Variants in ADGRB1 observed in about 807,000 individuals in gnomAD.
ADGRB1 encodes adhesion G protein-coupled receptor B1, also known as brain-specific angiogenesis inhibitor 1.
Under a neutral mutation model 175.7 loss-of-function variants are expected in ADGRB1, and 36 were observed. That is an observed-to-expected ratio of 0.20 (90% CI 0.16 to 0.27). The LOEUF (loss-of-function observed/expected upper bound fraction) is 0.27, where lower values mean the gene tolerates loss of function less well. Ranked by LOEUF, ADGRB1 falls within the 10% of genes least tolerant of loss-of-function variation. The pLI is 1.00. For synonymous variants in ADGRB1, 1,054 were observed against 979.4 expected, an observed-to-expected ratio of 1.08 and a Z score of -1.42; for missense variants, 1,731 against 2,255.3, an observed-to-expected ratio of 0.77 and a Z score of 4.71.
intron 18 of ADGRB1, among the ~76,000 whole-genome samples, chr8:142,515,055 C>G (rs564854260): frequency 6.3e-4 from 96 of 152,172 alleles, no homozygotes; most frequent in Middle Eastern, 3.4e-3. Flanking sequence ...TGGAAACTGG[C>G]AGAGACTCGG....
rs2132095929 is a variant in ADGRB1, at chr8:142,518,207, C to T, written c.2887C>T (p.Leu963Phe). 6.2e-7 allele frequency: 1 copy of T among 1,613,826 alleles called. No homozygotes were observed. The highest frequency in any genetic ancestry group is 8.5e-7 in the Non-Finnish European group (1 of 1,179,800). The change falls in exon 19 of 31, where the codon CTC becomes TTC. Residue 963 changes from leucine (L) to phenylalanine (F), a missense_variant. Around this residue, in one of 8 missense-constraint regions of ADGRB1, gnomAD observed 301 missense variants for 488.4 expected, o/e 0.62. Coordinates refer to ENST00000517894, the MANE Select transcript of ADGRB1 (RefSeq NM_001702.3). The stretch of plus-strand genomic sequence containing the variant: ...CTGTGGCGTGTCCTCTCTCACCCTG[C>T]TCATGCTGGTCATCATCTACGTGTC... ...VGCGVSSLTL[L>F]MLVIIYVSVW... is the part of the protein sequence containing the mutation.
At chr8:142,522,426 C>T (rs1401944312) in intron 21 of ADGRB1, among the ~76,000 whole-genome samples, 2 of 152,186 alleles carry the variant, frequency 1.3e-5, no homozygotes, top group Non-Finnish European at 2.9e-5. Context: ...TGCCGGGCAC[C>T]CTATGTGTTC....
intron 12 of ADGRB1, among the ~76,000 whole-genome samples, chr8:142,484,412 C>T (rs1321202425): frequency 6.6e-6 from 1 of 152,230 alleles, no homozygotes; most frequent in Non-Finnish European, 1.5e-5. Flanking sequence ...CAGCACCCGG[C>T]ATGGGGGCTG....
Position 142,518,171 on chromosome 8 carries a change from C to T in ADGRB1, c.2851C>T (p.Leu951Phe). ...MEKATLPSVT[L>F]IVGCGVSSLT... ...GAAGGCGACTCTGCCGTCGGTGACG[C>T]TCATCGTGGGCTGTGGCGTGTCCTC... The change falls in exon 19 of 31, where the codon CTC (leucine) becomes TTC (phenylalanine). Residue 951 changes from leucine to phenylalanine, a missense_variant. Transcript: ENST00000517894. The T allele has an allele frequency of 6.2e-7, 1 of 1,613,826 alleles. No individual in the cohort carries two copies. The highest frequency in any genetic ancestry group is 2.2e-5 in the East Asian group (1 of 44,856).
intron 18 of ADGRB1, 85 bp from the exon 19 acceptor site, chr8:142,518,053 C>T (rs1169774697): frequency 9.0e-6 from 12 of 1,327,138 alleles, no homozygotes; most frequent in African/African-American, 1.4e-5. Context: ...CCCGGGGCTG[C>T]GGGCTCTCGG....
At chr8:142,494,185 T>C (rs1384573997) in intron 17 of ADGRB1, among the ~76,000 whole-genome samples, 2 of 152,134 alleles carry the variant, frequency 1.3e-5, no homozygotes, top group Non-Finnish European at 2.9e-5. Context: ...TGGTCACAGA[T>C]AGAGCCCAGA....
chr8:142,455,592 G>A lies in ADGRB1; in HGVS notation c.-220+5488G>A, dbSNP rs2131625226. Among the ~76,000 whole-genome samples, 1 of 152,320 alleles carries A rather than the reference G, an allele frequency of 6.6e-6. No individual in the cohort carries two copies. Among genetic ancestry groups the A allele is most frequent in the East Asian group, 1.9e-4 (1 of 5,160 alleles). Reference sequence around the variant, plus strand: ...ACCCAGGGATTACTGGGAGCTCAGAGACTGGGGTGGACCTTGAGATGAGAC... The same window carrying A: ...ACCCAGGGATTACTGGGAGCTCAGAAACTGGGGTGGACCTTGAGATGAGAC... On this transcript the variant is annotated intron_variant, in intron 1 of 30. Transcript: ENST00000517894. This position sits in a 1 kb window ranked among gnomAD's most constrained non-coding sequence, Gnocchi z 4.9.
intron 2 of ADGRB1, among the ~76,000 whole-genome samples, chr8:142,472,143 G>A (rs574169838): frequency 9.7e-4 from 148 of 152,298 alleles, no homozygotes; most frequent in Middle Eastern, 3.4e-3. Flanking sequence ...GGAAGCTAGG[G>A]AGGCCCAGCT....
chr8:142,486,957 C>T (rs1159740262), intron 13 of ADGRB1, among the ~76,000 whole-genome samples: 1 of 152,180 alleles, frequency 6.6e-6, no homozygotes, highest in Non-Finnish European at 1.5e-5. Context: ...GAGGTCGAGG[C>T]TGCAGTGAGT....
At chr8:142,497,298 G>A (rs902995516) in intron 17 of ADGRB1, among the ~76,000 whole-genome samples, 1 of 152,062 alleles carries the variant, frequency 6.6e-6, no homozygotes, top group African/African-American at 2.4e-5. Context: ...CTGCCCAAGC[G>A]AGCATCCTGG....
chr8:142,464,224 G>A lies in ADGRB1; in HGVS notation c.26G>A (p.Gly9Asp). 7.6e-7 allele frequency: 1 copy of A among 1,309,740 alleles called. No homozygotes were observed. Among genetic ancestry groups the A allele is most frequent in the Non-Finnish European group, 9.6e-7 (1 of 1,036,860 alleles). 81.1% of individuals were successfully genotyped at this position (1,309,740 alleles called of 1,614,324 possible). Residue 9 changes from glycine to aspartate, a missense_variant, in exon 2 of 31, where the codon GGC (glycine) becomes GAC (aspartate). Gly to Asp is a moderately conservative substitution (Grantham distance 94). This residue lies in a region of ADGRB1 where 383 missense variants were observed against 383.1 expected (regional missense o/e 1.00). Coordinates refer to ENST00000517894, the MANE Select transcript of ADGRB1 (RefSeq NM_001702.3). MRGQAAAP[G>D]PVWILAPLLL... is the part of the protein sequence containing the mutation. Reference sequence around the variant, plus strand: ...ATGAGGGGCCAGGCCGCCGCCCCGGGCCCCGTCTGGATCCTCGCCCCGCTG... The same window carrying A: ...ATGAGGGGCCAGGCCGCCGCCCCGGACCCCGTCTGGATCCTCGCCCCGCTG...
intron 3 of ADGRB1, among the ~76,000 whole-genome samples, chr8:142,476,098 T>C (rs1473553436): frequency 6.6e-6 from 1 of 152,240 alleles, no homozygotes; most frequent in African/African-American, 2.4e-5. Flanking sequence ...GCCTCCAGAA[T>C]GTATTTCTGT....
intron 2 of ADGRB1, among the ~76,000 whole-genome samples, chr8:142,470,523 C>T (rs111956224): frequency 1.5e-4 from 23 of 150,952 alleles, no homozygotes; most frequent in African/African-American, 5.1e-4. Context: ...TGTGTGTGTC[C>T]CTCTGTGGTG....
chr8:142,518,728 G>A (rs1843593506), intron 19 of ADGRB1, among the ~76,000 whole-genome samples: 1 of 152,246 alleles, frequency 6.6e-6, no homozygotes, highest in Non-Finnish European at 1.5e-5. Flanking sequence ...GAGATGTGGA[G>A]GAGAGCTCGT....
At chr8:142,487,545 C>T (rs892726316) in intron 13 of ADGRB1, among the ~76,000 whole-genome samples, 11 of 152,194 alleles carry the variant, frequency 7.2e-5, no homozygotes, top group African/African-American at 2.2e-4. Flanking sequence ...CTCTCCCTGC[C>T]GCATCTTGGG....
rs369995007 is a variant in ADGRB1, at chr8:142,466,727, A to G, written c.784+1745A>G. Among the ~76,000 whole-genome samples the G allele has an allele frequency of 1.6e-4, 25 of 152,108 alleles. 1 individual carries two copies. Among genetic ancestry groups the G allele is most frequent in the African/African-American group, 5.8e-4 (24 of 41,426 alleles). The stretch of plus-strand genomic sequence containing the variant: ...GGACTGGGGAGAGAACGAAGTAGAT[A>G]TGGAGGGCTCTTTCAGGGAGTAGAG... On this transcript the variant is annotated intron_variant, in intron 2 of 30. Coordinates refer to ENST00000517894, the MANE Select transcript of ADGRB1 (RefSeq NM_001702.3).
intron 17 of ADGRB1, among the ~76,000 whole-genome samples, chr8:142,500,884 A>T (rs1471343008): frequency 6.6e-6 from 1 of 152,122 alleles, no homozygotes; most frequent in Non-Finnish European, 1.5e-5. Flanking sequence ...CAGCCTGGAG[A>T]TCCCTGGAGG....
At chr8:142,500,162 G>T (rs1842420723) in intron 17 of ADGRB1, among the ~76,000 whole-genome samples, 2 of 151,824 alleles carry the variant, frequency 1.3e-5, no homozygotes, top group African/African-American at 4.9e-5. Context: ...TGGGATCGGG[G>T]CAGGCAGGCT....
chr8:142,516,624 GCA>G (rs1385323228), intron 18 of ADGRB1, among the ~76,000 whole-genome samples: 11 of 138,172 alleles, frequency 8.0e-5, no homozygotes, highest in South Asian at 4.8e-4. Flanking sequence ...GTGTGTGTGT[GCA>G]TGTGTGCGGG....
Sources: allele counts gnomAD v4.1 joint callset (sites outside exome capture counted in the v4.1 genomes callset), GRCh38; gene constraint gnomAD v4.1.1; regional missense constraint gnomAD v4.1.1; non-coding constraint Gnocchi (gnomAD v3.1); transcripts MANE v1.5; gene names NCBI Gene and HGNC (gene_info 2026-07-23, HGNC 2026-07-21).